OTOA: variants seen among roughly 807,000 people sequenced by gnomAD.
The protein encoded by OTOA is cancer/testis antigen 108.
OTOA carries 70 observed loss-of-function variants against 110.8 expected under a neutral mutation model. That is an observed-to-expected ratio of 0.63 (90% CI 0.52 to 0.77). OTOA has a LOEUF of 0.77. Ranked by LOEUF, OTOA falls within the 30% of genes least tolerant of loss-of-function variation. The pLI is 0.00. For synonymous variants in OTOA, 373 were observed against 431.5 expected (o/e 0.86, Z 1.68); for missense variants, 917 against 1,075.8 (o/e 0.85, Z 2.06).
chr16:21,682,782 A>G (rs1357934676), intron 6 of OTOA, among the ~76,000 whole-genome samples: 3 of 152,192 alleles, frequency 2.0e-5, no homozygotes, highest in African/African-American at 7.2e-5. Context: ...ATATGTCTTC[A>G]TTGTTTCCAT....
Position 21,695,516 on chromosome 16 carries a change from T to C in OTOA, c.740-2259T>C, listed in dbSNP as rs141442262. Among the ~76,000 whole-genome samples, 365 of 152,168 alleles carry C rather than the reference T, an allele frequency of 2.4e-3. 2 individuals are homozygous for C. Among genetic ancestry groups the C allele is most frequent in the Admixed American group, 4.6e-3 (71 of 15,270 alleles). On this transcript the variant is annotated intron_variant, in intron 9 of 28. Coordinates refer to ENST00000646100, the MANE Select transcript of OTOA (RefSeq NM_144672.4). Reference sequence around the variant, plus strand: ...CCTCAAAAGTTTCCAGCCCTCTATATAGGCAAGGCAAATGTCCAGGGTCCC... The same window carrying C: ...CCTCAAAAGTTTCCAGCCCTCTATACAGGCAAGGCAAATGTCCAGGGTCCC...
intron 6 of OTOA, among the ~76,000 whole-genome samples, chr16:21,684,744 ATTATTATTATTATTATTATTATTT>A (rs1479460099): frequency 1.7e-4 from 12 of 69,060 alleles, no homozygotes; most frequent in Admixed American, 4.2e-4. Flanking sequence ...TATTATTATT[ATTATTATTATTATTATTATTATTT>A]TTTAGGTGGA....
intron 22 of OTOA, among the ~76,000 whole-genome samples, chr16:21,736,699 T>G (rs1899312376): frequency 6.6e-6 from 1 of 151,908 alleles, no homozygotes; most frequent in African/African-American, 2.4e-5. Context: ...GGTGTGGTGG[T>G]GCATACCTGT....
intron 11 of OTOA, among the ~76,000 whole-genome samples, chr16:21,704,767 C>T (rs1898121409): frequency 6.6e-6 from 1 of 152,090 alleles, no homozygotes; most frequent in Non-Finnish European, 1.5e-5. Context: ...GAAGACAGTG[C>T]TCAAATCTGT....
chr16:21,705,911 C>T (rs1898156350), intron 12 of OTOA, among the ~76,000 whole-genome samples: 1 of 151,772 alleles, frequency 6.6e-6, no homozygotes, highest in African/African-American at 2.4e-5. Flanking sequence ...TGCACTCCAG[C>T]CTGGGTGACA....
At chr16:21,709,831 G>C in intron 12 of OTOA, 57 bp from the exon 13 acceptor site, 1 of 1,473,628 alleles carries the variant, frequency 6.8e-7, no homozygotes, top group Non-Finnish European at 9.5e-7. Context: ...GATATGGTCA[G>C]AGGGAGCCAC....
At position 21,726,687 on chromosome 16, in the gene OTOA, C is replaced by T. The variant is rs747103776; in HGVS notation, c.2016+29C>T. The T allele has an allele frequency of 6.8e-6, 11 of 1,613,634 alleles. No homozygotes were observed. The African/African-American group carries it at 9.3e-5, about 14-fold the overall frequency. On this transcript the variant is annotated intron_variant, in intron 19 of 28. Coordinates refer to ENST00000646100, the MANE Select transcript of OTOA (RefSeq NM_144672.4). ...AGAAAACTCTTCCTGGGTGTCCCCT[C>T]CCTCTGGGTATCTGTGGCCATCTTG... is the stretch of plus-strand genomic sequence containing the variant.
intron 21 of OTOA, among the ~76,000 whole-genome samples, chr16:21,735,137 A>G (rs1463965696): frequency 5.2e-5 from 7 of 134,706 alleles, no homozygotes; most frequent in South Asian, 2.5e-4. Context: ...CAAGACTCTG[A>G]AAAAAAAAAA....
intron 8 of OTOA, among the ~76,000 whole-genome samples, chr16:21,690,286 A>G (rs1897802364): frequency 1.3e-5 from 2 of 151,838 alleles, no homozygotes; most frequent in South Asian, 4.2e-4. Context: ...CTATCAACCC[A>G]CCACCTAGGT....
At chr16:21,707,611 TTC>T (rs1302837661) in intron 12 of OTOA, among the ~76,000 whole-genome samples, 1 of 93,672 alleles carries the variant, frequency 1.1e-5, no homozygotes, top group Non-Finnish European at 2.6e-5. Context: ...CTTTCTTTCT[TTC>T]TTTCTTTCTT....
At chr16:21,700,724 C>CAAAAAAAAA (rs3054189) in intron 10 of OTOA, among the ~76,000 whole-genome samples, 164 bp from the exon 11 acceptor site, 1 of 115,740 alleles carries the variant, frequency 8.6e-6, no homozygotes, top group Non-Finnish European at 1.7e-5. Context: ...GACTCCATCT[C>CAAAAAAAAA]AAAAAAAAAA....
At chr16:21,695,887 A>ATTTTTT (rs1205590889) in intron 9 of OTOA, among the ~76,000 whole-genome samples, 48 of 61,614 alleles carry the variant, frequency 7.8e-4, no homozygotes, top group Non-Finnish European at 9.5e-4. Context: ...ATATATATAT[A>ATTTTTT]TATATTTTTT....
intron 17 of OTOA, 97 bp downstream of exon 17, chr16:21,719,601 T>C: frequency 8.6e-7 from 1 of 1,163,670 alleles, no homozygotes; most frequent in Non-Finnish European, 1.3e-6. Context: ...TATGCCAGAA[T>C]CATTCAGACG....
chr16:21,727,700 C>T (rs12934072), intron 19 of OTOA, among the ~76,000 whole-genome samples: 58,245 of 151,862 alleles, frequency 0.38, 11,850 homozygotes, highest in Middle Eastern at 0.46. Flanking sequence ...ACAGTGACAG[C>T]AGCGCTCAAT....
intron 13 of OTOA, among the ~76,000 whole-genome samples, chr16:21,714,252 T>C (rs151185580): frequency 4.2e-4 from 2 of 4,712 alleles, no homozygotes; most frequent in African/African-American, 2.0e-3. Flanking sequence ...TTCTTTCTTT[T>C]TTCTTTCTTT....
At chr16:21,697,954 A>C in intron 10 of OTOA, 79 bp downstream of exon 10, 1 of 1,274,864 alleles carries the variant, frequency 7.8e-7, no homozygotes, top group East Asian at 2.3e-5. Context: ...TCTAATGTTC[A>C]TCCAGCCAGT....
At chr16:21,723,138 C>A (rs1034070257) in intron 18 of OTOA, among the ~76,000 whole-genome samples, 160 bp downstream of exon 18, 1 of 152,158 alleles carries the variant, frequency 6.6e-6, no homozygotes, top group Non-Finnish European at 1.5e-5. Flanking sequence ...GATTTCAATT[C>A]TGAGTATCAC....
At position 21,728,313 on chromosome 16, in the gene OTOA, A is replaced by G. The variant is rs113676735; in HGVS notation, c.2089A>G (p.Ile697Val). The G allele has an allele frequency of 6.2e-7, 1 of 1,614,180 alleles. No homozygotes were observed. Reference protein sequence around the residue: ...NLLCHLPAAIIDRGISPRAWA... With the variant: ...NLLCHLPAAIVDRGISPRAWA... ...GCTGTGTCACTTGCCGGCAGCCATC[A>G]TCGACAGGGGGATCTCCCCCAGGGC... The change falls in exon 20 of 29, where the codon ATC (isoleucine) becomes GTC (valine). Residue 697 changes from isoleucine to valine, a missense_variant. Physicochemically the swap from Ile to Val is conservative, Grantham distance 29 (BLOSUM62 3). This residue lies in a region of OTOA where 840 missense variants were observed against 910.2 expected (regional missense o/e 0.92). Transcript: ENST00000646100.
intron 28 of OTOA, among the ~76,000 whole-genome samples, chr16:21,759,103 TA>T (rs1448369369): frequency 1.8e-4 from 28 of 152,284 alleles, no homozygotes; most frequent in African/African-American, 6.5e-4. Flanking sequence ...GAATAGATAA[TA>T]TGTGCAATAG....
Sources: allele counts gnomAD v4.1 joint callset (sites outside exome capture counted in the v4.1 genomes callset), GRCh38; gene constraint gnomAD v4.1.1; regional missense constraint gnomAD v4.1.1; transcripts MANE v1.5; gene names NCBI Gene and HGNC (gene_info 2026-07-23, HGNC 2026-07-21).